Variants in DOCK4 observed in about 807,000 individuals in gnomAD.
DOCK4 encodes the protein dedicator of cytokinesis 4, also known as dedicator of cytokinesis protein 4.
DOCK4 carries 97 observed loss-of-function variants against 268.1 expected under a neutral mutation model. That is an observed-to-expected ratio of 0.36 (90% CI 0.31 to 0.43). The LOEUF (loss-of-function observed/expected upper bound fraction) is 0.43. Ranked by LOEUF, DOCK4 falls within the 20% of genes least tolerant of loss-of-function variation. The pLI is 1.00. For missense variants in DOCK4, 2,145 were observed against 2,455.7 expected (o/e 0.87, Z 2.67); for synonymous variants, 954 against 887.2 (o/e 1.08, Z -1.34).
At chr7:112,154,419 A>C (rs1210258625) in intron 1 of DOCK4, among the ~76,000 whole-genome samples, 1 of 152,208 alleles carries the variant, frequency 6.6e-6, no homozygotes, top group East Asian at 1.9e-4. Flanking sequence ...TGCTACTTAG[A>C]CATTGTTTGA....
At chr7:112,107,864 A>C (rs992870189) in intron 1 of DOCK4, among the ~76,000 whole-genome samples, 2 of 152,260 alleles carry the variant, frequency 1.3e-5, no homozygotes, top group African/African-American at 4.8e-5. Flanking sequence ...GCCTGTGACC[A>C]AGGAAGACAG....
chr7:112,022,205 T>C (rs1193417465), intron 1 of DOCK4, among the ~76,000 whole-genome samples: 4 of 152,244 alleles, frequency 2.6e-5, no homozygotes, highest in Non-Finnish European at 5.9e-5. Flanking sequence ...CAATGTTTAC[T>C]AAACATCTAC....
At chr7:111,867,874 C>T (rs1018740974) in intron 22 of DOCK4, 110 bp downstream of exon 22, 6 of 1,089,332 alleles carry the variant, frequency 5.5e-6, no homozygotes, top group Non-Finnish European at 7.4e-6. Flanking sequence ...CAAATATAAA[C>T]TGGAGCAATT....
At chr7:112,090,883 A>T (rs1297150086) in intron 1 of DOCK4, among the ~76,000 whole-genome samples, 1 of 152,170 alleles carries the variant, frequency 6.6e-6, no homozygotes, top group African/African-American at 2.4e-5. Context: ...TATTTGGCTC[A>T]AAGAGCTAGA....
At chr7:111,998,291 C>G (rs888845633) in intron 4 of DOCK4, among the ~76,000 whole-genome samples, 157 bp downstream of exon 4, 4 of 152,150 alleles carry the variant, frequency 2.6e-5, no homozygotes, top group African/African-American at 9.7e-5. Context: ...TTTTCTCCAC[C>G]AACGGTCTTA....
In DOCK4 at chr7:111,992,749, A is replaced by T. The variant is rs573341138; in HGVS notation, c.315+1386T>A. On this transcript the variant is annotated intron_variant, in intron 5 of 52. Transcript: ENST00000428084. ...AAAGTGTTTGTGTTCTAGTTCAGCT[A>T]ATGGACAACACTCACACTGTCATTA... Among the ~76,000 whole-genome samples the T allele has an allele frequency of 3.3e-5, 5 of 152,348 alleles. No homozygotes were observed. The South Asian group carries it at 1.0e-3, about 32-fold the overall frequency.
intron 12 of DOCK4, 123 bp from the exon 13 acceptor site, chr7:111,916,027 A>G (rs1792556585): frequency 3.0e-6 from 3 of 1,005,676 alleles, no homozygotes; most frequent in Admixed American, 2.8e-5. Flanking sequence ...TAATATTCCG[A>G]CGAAATCGAC....
At chr7:111,918,427 C>A (rs1052593133) in intron 12 of DOCK4, among the ~76,000 whole-genome samples, 1 of 152,078 alleles carries the variant, frequency 6.6e-6, no homozygotes, top group East Asian at 1.9e-4. Flanking sequence ...TCCATGGTCA[C>A]GGGAAATGAA....
At chr7:111,901,623 G>A (rs1586315052) in intron 14 of DOCK4, 54 bp downstream of exon 14, 2 of 1,556,336 alleles carry the variant, frequency 1.3e-6, no homozygotes, top group South Asian at 1.2e-5. Context: ...TAAAGATTAA[G>A]TGAAAGCAAT....
intron 30 of DOCK4, among the ~76,000 whole-genome samples, chr7:111,791,097 T>TATATAA (rs1554593949): frequency 7.1e-6 from 1 of 141,366 alleles, no homozygotes; most frequent in Non-Finnish European, 1.5e-5. Flanking sequence ...TATATATATA[T>TATATAA]ATAAAATAAA....
intron 1 of DOCK4, among the ~76,000 whole-genome samples, chr7:112,188,874 G>T (rs1389610334): frequency 6.6e-6 from 1 of 152,158 alleles, no homozygotes; most frequent in East Asian, 1.9e-4. Context: ...TTATCTTTCT[G>T]AATTTATATT....
At chr7:112,113,390 A>G (rs1017758280) in intron 1 of DOCK4, among the ~76,000 whole-genome samples, 1 of 152,130 alleles carries the variant, frequency 6.6e-6, no homozygotes. Flanking sequence ...TTGTAGTACC[A>G]CAAAAGATTT....
intron 32 of DOCK4, among the ~76,000 whole-genome samples, chr7:111,784,791 T>C (rs1422672807): frequency 2.0e-5 from 3 of 152,150 alleles, no homozygotes; most frequent in Non-Finnish European, 4.4e-5. Context: ...CCCCAAAAGA[T>C]AAAAGCAAGA....
intron 39 of DOCK4, among the ~76,000 whole-genome samples, chr7:111,761,945 C>G (rs3801781): frequency 0.65 from 98,039 of 151,992 alleles, 32,230 homozygotes; most frequent in South Asian, 0.78. Context: ...TAAAATAAAA[C>G]ACAATACATC....
chr7:112,088,454 CAT>C (rs1809323297), intron 1 of DOCK4, among the ~76,000 whole-genome samples: 2 of 152,102 alleles, frequency 1.3e-5, no homozygotes, highest in African/African-American at 4.8e-5. Context: ...TATTTGCACA[CAT>C]ATATACATAC....
chr7:111,994,283 T>A, intron 4 of DOCK4, 52 bp from the exon 5 acceptor site: 1 of 1,247,318 alleles, frequency 8.0e-7, no homozygotes, highest in Non-Finnish European at 1.1e-6. Flanking sequence ...AGACAACAAT[T>A]TTGTTTTAAA....
chr7:111,857,450 C>T (rs891576609), intron 23 of DOCK4, among the ~76,000 whole-genome samples: 2 of 152,128 alleles, frequency 1.3e-5, no homozygotes, highest in Non-Finnish European at 2.9e-5. Context: ...AAAAGCAAGT[C>T]GTACCAGCAA....
chr7:111,944,693 A>G (rs1049852891), intron 10 of DOCK4, 118 bp downstream of exon 10: 3 of 1,005,152 alleles, frequency 3.0e-6, no homozygotes, highest in Non-Finnish European at 4.5e-6. Context: ...CTTGGATTCA[A>G]ATCTGGCTTT....
intron 1 of DOCK4, among the ~76,000 whole-genome samples, chr7:112,168,205 C>G (rs556162634): frequency 2.4e-4 from 36 of 152,254 alleles, no homozygotes; most frequent in African/African-American, 7.7e-4. Context: ...AATCTAAAAG[C>G]ATGTTTTAAA....
Sources: allele counts gnomAD v4.1 joint callset (sites outside exome capture counted in the v4.1 genomes callset), GRCh38; gene constraint gnomAD v4.1.1; transcripts MANE v1.5; gene names NCBI Gene and HGNC (gene_info 2026-07-23, HGNC 2026-07-21).